Variants in TRAPPC9 observed in about 807,000 individuals in gnomAD.
The protein encoded by TRAPPC9 is trafficking protein particle complex subunit 9.
A neutral mutation model predicts 124.0 loss-of-function variants in TRAPPC9; 83 were observed. That is an observed-to-expected ratio of 0.67 (90% CI 0.56 to 0.80). The LOEUF (loss-of-function observed/expected upper bound fraction) is 0.80. Among genes scored for constraint, TRAPPC9 ranks in the 30% least tolerant of loss-of-function variants. The probability of loss-of-function intolerance (pLI) is 0.00; values close to 1 mark genes in which losing one functional copy is unlikely to be tolerated. For missense variants in TRAPPC9, 1,302 were observed against 1,508.3 expected, an observed-to-expected ratio of 0.86 and a Z score of 2.27; for synonymous variants, 638 against 617.5, an observed-to-expected ratio of 1.03 and a Z score of -0.49.
At chr8:140,345,012 T>A (rs2067299117) in intron 9 of TRAPPC9, among the ~76,000 whole-genome samples, 1 of 152,058 alleles carries the variant, frequency 6.6e-6, no homozygotes, top group Admixed American at 6.5e-5. Flanking sequence ...GCCCAAGCAG[T>A]GGGGCGGGCA....
At chr8:140,243,233 G>T (rs1304269992) in intron 16 of TRAPPC9, among the ~76,000 whole-genome samples, 2 of 152,206 alleles carry the variant, frequency 1.3e-5, no homozygotes, top group Non-Finnish European at 2.9e-5. Flanking sequence ...AAAGAGAAAG[G>T]ATACCTGATC....
chr8:139,840,691 A>C (rs1420619451), intron 21 of TRAPPC9, among the ~76,000 whole-genome samples: 1 of 152,140 alleles, frequency 6.6e-6, no homozygotes, highest in African/African-American at 2.4e-5. Flanking sequence ...TCAGCAATGC[A>C]GTGGCACAGT....
chr8:140,269,863 C>T (rs1430773939), intron 15 of TRAPPC9, among the ~76,000 whole-genome samples: 1 of 152,104 alleles, frequency 6.6e-6, no homozygotes, highest in Non-Finnish European at 1.5e-5. Context: ...CTTTGGAAGG[C>T]CAAGGTGGAT....
Position 140,209,151 on chromosome 8 carries a change from G to T in TRAPPC9, c.2556+12308C>A, listed in dbSNP as rs562964833. Among the ~76,000 whole-genome samples the T allele has an allele frequency of 5.9e-5, 9 of 152,368 alleles. No individual in the cohort carries two copies. The South Asian group carries it at 1.7e-3, about 28-fold the overall frequency. On this transcript the variant is annotated intron_variant, in intron 17 of 22. Coordinates refer to ENST00000438773, the MANE Select transcript of TRAPPC9 (RefSeq NM_001160372.4). ...GCCTCTTCCGTGGCATCTCTGTGGT[G>T]AGGCCTCTGCAGACGATCCGCCTAA...
intron 21 of TRAPPC9, among the ~76,000 whole-genome samples, chr8:139,774,432 A>G (rs1236852809): frequency 6.6e-6 from 1 of 152,076 alleles, no homozygotes; most frequent in Non-Finnish European, 1.5e-5. Context: ...GTGTGAGTGC[A>G]TGTGTGCACA....
At chr8:140,151,920 T>G (rs2061549008) in intron 17 of TRAPPC9, among the ~76,000 whole-genome samples, 1 of 152,128 alleles carries the variant, frequency 6.6e-6, no homozygotes, top group African/African-American at 2.4e-5. Flanking sequence ...CACCTCAGCC[T>G]CGACACACCC....
At chr8:140,431,316 G>A (rs535670925) in intron 4 of TRAPPC9, among the ~76,000 whole-genome samples, 2 of 151,994 alleles carry the variant, frequency 1.3e-5, no homozygotes, top group South Asian at 4.2e-4. Context: ...AACTAGCCGG[G>A]CGTAGTGGTG....
intron 21 of TRAPPC9, among the ~76,000 whole-genome samples, chr8:139,753,159 C>T (rs1819470650): frequency 6.7e-6 from 1 of 150,222 alleles, no homozygotes; most frequent in African/African-American, 2.5e-5. Flanking sequence ...ATCCACCCAT[C>T]CACCATCCAT....
chr8:140,198,469 T>C (rs1266364288), intron 17 of TRAPPC9, among the ~76,000 whole-genome samples: 1 of 151,956 alleles, frequency 6.6e-6, no homozygotes, highest in Admixed American at 6.5e-5. Flanking sequence ...TGTCTGATCT[T>C]GCGGCCCCCA....
At chr8:140,171,589 G>C (rs1325691658) in intron 17 of TRAPPC9, among the ~76,000 whole-genome samples, 1 of 152,174 alleles carries the variant, frequency 6.6e-6, no homozygotes. Flanking sequence ...AGGGATAAAA[G>C]TACCTGTCGA....
At chr8:139,964,163 G>T (rs900751318) in intron 19 of TRAPPC9, among the ~76,000 whole-genome samples, 1 of 145,818 alleles carries the variant, frequency 6.9e-6, no homozygotes, top group African/African-American at 2.6e-5. Flanking sequence ...GGTGGAGCTT[G>T]CAGTGAGCAG....
At chr8:140,124,546 G>A (rs1028230470) in intron 17 of TRAPPC9, among the ~76,000 whole-genome samples, 6 of 135,302 alleles carry the variant, frequency 4.4e-5, no homozygotes, top group Non-Finnish European at 6.3e-5. Flanking sequence ...TCTGAGCATC[G>A]GGACGTGGAC....
intron 18 of TRAPPC9, among the ~76,000 whole-genome samples, chr8:140,011,103 G>A (rs1042605234): frequency 6.6e-6 from 1 of 152,236 alleles, no homozygotes; most frequent in African/African-American, 2.4e-5. Flanking sequence ...ACTTTGGGAG[G>A]CCGAGAAGGG....
chr8:140,143,751 C>T lies in TRAPPC9; in HGVS notation c.2556+77708G>A, dbSNP rs144897585. The stretch of plus-strand genomic sequence containing the variant: ...ATTTCAAATTTTTTCATATGCATAA[C>T]CAAATGTCCCAGCATCTTTTATGAA... On this transcript the variant is annotated intron_variant, in intron 17 of 22. Transcript: ENST00000438773. Among the ~76,000 whole-genome samples, 144 of 152,306 alleles carry T rather than the reference C, an allele frequency of 9.5e-4. No individual in the cohort carries two copies. The Middle Eastern group carries it at 0.01, about 11-fold the overall frequency.
chr8:140,146,039 G>A (rs1252851756), intron 17 of TRAPPC9, among the ~76,000 whole-genome samples: 1 of 152,054 alleles, frequency 6.6e-6, no homozygotes, highest in Non-Finnish European at 1.5e-5. Context: ...TACCTTACAT[G>A]GGACAGTGTA....
At chr8:140,038,613 CACAGT>C (rs1162361531) in intron 17 of TRAPPC9, among the ~76,000 whole-genome samples, 1 of 152,206 alleles carries the variant, frequency 6.6e-6, no homozygotes, top group Non-Finnish European at 1.5e-5. Flanking sequence ...AAGCAGAGCA[CACAGT>C]AACTGATCCA....
chr8:140,270,933 C>G (rs2064858844), intron 15 of TRAPPC9, among the ~76,000 whole-genome samples: 1 of 152,182 alleles, frequency 6.6e-6, no homozygotes, highest in African/African-American at 2.4e-5. Context: ...TTTCTGAAGA[C>G]AGAAGCAGGT....
At chr8:140,165,390 T>A (rs1044491863) in intron 17 of TRAPPC9, among the ~76,000 whole-genome samples, 3 of 125,592 alleles carry the variant, frequency 2.4e-5, no homozygotes, top group African/African-American at 8.6e-5. Context: ...TACAAAAAAA[T>A]TAGCCAGGCA....
intron 21 of TRAPPC9, among the ~76,000 whole-genome samples, chr8:139,824,355 C>T (rs1214798608): frequency 6.6e-6 from 1 of 152,124 alleles, no homozygotes; most frequent in Non-Finnish European, 1.5e-5. Context: ...GGACATCCAG[C>T]ACCACAGCAC....
Sources: gnomAD v4.1 joint callset for allele counts (sites outside exome capture counted in the v4.1 genomes callset) on GRCh38, gnomAD v4.1.1 for gene constraint, MANE v1.5 for transcripts, NCBI Gene and HGNC (gene_info 2026-07-23, HGNC 2026-07-21) for gene names.